The following MAST4 variants were observed in gnomAD, a reference collection of about 807,000 sequenced individuals.
The protein encoded by MAST4 is microtubule-associated serine/threonine-protein kinase 4.
A neutral mutation model predicts 162.7 loss-of-function variants in MAST4; 89 were observed. The ratio of observed to expected loss-of-function variants is 0.55; its 90% CI spans 0.46 to 0.65. The LOEUF (loss-of-function observed/expected upper bound fraction) is 0.65. Ranked by LOEUF, MAST4 falls within the 30% of genes least tolerant of loss-of-function variation. The pLI is 0.00. For synonymous variants in MAST4, 1,479 were observed against 1,361.1 expected (o/e 1.09, Z -1.91); for missense variants, 3,153 against 3,374.0 (o/e 0.93, Z 1.62).
intron 1 of MAST4, among the ~76,000 whole-genome samples, chr5:66,695,794 C>T (rs1351245204): frequency 6.6e-6 from 1 of 152,116 alleles, no homozygotes; most frequent in African/African-American, 2.4e-5. Flanking sequence ...GACAGTGTGG[C>T]AATTCTTCGA....
chr5:67,076,851 T>TCGCCAC (rs1761713937), intron 5 of MAST4, among the ~76,000 whole-genome samples: 1 of 152,214 alleles, frequency 6.6e-6, no homozygotes, highest in African/African-American at 2.4e-5. Flanking sequence ...GCAGCATCCA[T>TCGCCAC]CGCCACCGCC....
At position 66,921,893 on chromosome 5, in the gene MAST4, G is replaced by C. The variant is rs1764565104; in HGVS notation, c.674+21911G>C. 2.6e-5 allele frequency among the ~76,000 whole-genome samples: 4 copies of C among 152,298 alleles called. No individual in the cohort carries two copies. In the South Asian group the frequency reaches 6.2e-4, roughly 24 times the overall value. On this transcript the variant is annotated intron_variant, in intron 4 of 28. Transcript: ENST00000403625. ...TCTAATTAAATAATATTATCTTCTT[G>C]TGAAAATGCTGCCTTTATTCAATAT...
At chr5:67,023,936 T>G (rs1043699584) in intron 4 of MAST4, among the ~76,000 whole-genome samples, 1 of 152,008 alleles carries the variant, frequency 6.6e-6, no homozygotes, top group African/African-American at 2.4e-5. Context: ...CACATACAAT[T>G]TACCATCTTG....
At chr5:66,848,782 T>G (rs1759080993) in intron 3 of MAST4, among the ~76,000 whole-genome samples, 1 of 152,194 alleles carries the variant, frequency 6.6e-6, no homozygotes, top group African/African-American at 2.4e-5. Context: ...TTATGAAAGT[T>G]GTACTCATGA....
chr5:66,999,148 T>C (rs191477903), intron 4 of MAST4, among the ~76,000 whole-genome samples: 127 of 152,336 alleles, frequency 8.3e-4, no homozygotes, highest in African/African-American at 2.9e-3. Context: ...GTAGTCTCCT[T>C]CTTTTGCATG....
intron 12 of MAST4, among the ~76,000 whole-genome samples, chr5:67,116,614 G>C (rs10054921): frequency 1.3e-5 from 2 of 150,720 alleles, no homozygotes; most frequent in Non-Finnish European, 3.0e-5. Flanking sequence ...TCAGGAGTTC[G>C]AGAGCAGCCT....
chr5:66,759,945 A>G, intron 2 of MAST4, 83 bp downstream of exon 2: 1 of 1,461,536 alleles, frequency 6.8e-7, no homozygotes. Context: ...ACATGTAATC[A>G]GCTTTCTTAA....
chr5:67,124,436 G>C (rs541352947), intron 14 of MAST4, among the ~76,000 whole-genome samples: 2 of 152,138 alleles, frequency 1.3e-5, no homozygotes, highest in East Asian at 1.9e-4. Context: ...CTCTCTCTCT[G>C]TGCTAACTTT....
intron 5 of MAST4, among the ~76,000 whole-genome samples, chr5:67,073,554 T>G (rs967206662): frequency 1.3e-5 from 2 of 152,164 alleles, no homozygotes; most frequent in African/African-American, 2.4e-5. Flanking sequence ...CTTGATGTAA[T>G]GACCCCAAGG....
intron 1 of MAST4, among the ~76,000 whole-genome samples, chr5:66,661,223 G>A (rs993455041): frequency 2.0e-5 from 3 of 152,138 alleles, no homozygotes; most frequent in Non-Finnish European, 4.4e-5. Flanking sequence ...CAGTGACTCC[G>A]ATGTTCCTTT....
Position 67,164,119 on chromosome 5 carries a change from A to G in MAST4, c.4940A>G (p.Asp1647Gly). ...RRAPAPGTLQ[D>G]GLCHSLDRGI... ...GCCCCCGCTCCTGGCACCCTCCAGG[A>G]TGGTCTCTGCCACTCCCTCGACAGG... The change falls in exon 29 of 29, where the codon GAT becomes GGT. Residue 1647 changes from aspartate (D) to glycine (G), a missense_variant. Around this residue, in one of 7 missense-constraint regions of MAST4, gnomAD observed 1,644 missense variants for 1,495.0 expected, o/e 1.10. Transcript: ENST00000403625. This position sits in a 1 kb window ranked among gnomAD's most constrained non-coding sequence, Gnocchi z 5.3. The G allele has an allele frequency of 1.3e-6, 2 of 1,596,466 alleles. No individual in the cohort carries two copies. Among genetic ancestry groups the G allele is most frequent in the Non-Finnish European group, 1.7e-6 (2 of 1,170,886 alleles).
chr5:66,624,144 A>AT (rs1561220546), intron 1 of MAST4, among the ~76,000 whole-genome samples: 4 of 81,802 alleles, frequency 4.9e-5, no homozygotes, highest in Non-Finnish European at 4.7e-5. Context: ...TATTGTTAAA[A>AT]TGTTTTTTTT....
intron 1 of MAST4, among the ~76,000 whole-genome samples, chr5:66,723,169 C>A (rs887641532): frequency 6.6e-6 from 1 of 152,070 alleles, no homozygotes; most frequent in African/African-American, 2.4e-5. Flanking sequence ...AGAAGTAGCA[C>A]CAGGAACTTA....
intron 4 of MAST4, among the ~76,000 whole-genome samples, chr5:66,957,500 A>G (rs1459505938): frequency 1.3e-5 from 2 of 152,066 alleles, no homozygotes; most frequent in Non-Finnish European, 2.9e-5. Context: ...CTACTAAATT[A>G]CAATTACTTT....
Position 66,762,694 on chromosome 5 carries a change from T to G in MAST4, c.517+2832T>G, listed in dbSNP as rs539310146. On this transcript the variant is annotated intron_variant, in intron 2 of 28. Transcript: ENST00000403625. ...TTGCTAAACTTAAAATAAGTCTTAC[T>G]GGTTTTTCCATCAGAGGCCCATGCC... 9.2e-5 allele frequency among the ~76,000 whole-genome samples: 14 copies of G among 152,384 alleles called. No homozygotes were observed. In the East Asian group the frequency reaches 2.5e-3, roughly 27 times the overall value.
At chr5:66,894,204 G>C (rs117995013) in intron 3 of MAST4, among the ~76,000 whole-genome samples, 6 of 152,110 alleles carry the variant, frequency 3.9e-5, no homozygotes, top group Admixed American at 3.3e-4. Flanking sequence ...AGTCCTTAGG[G>C]GGACTTAAAA....
chr5:66,889,186 G>A (rs900752985), intron 3 of MAST4, among the ~76,000 whole-genome samples: 2 of 152,152 alleles, frequency 1.3e-5, no homozygotes, highest in African/African-American at 4.8e-5. Context: ...GCTGGTAATG[G>A]ATGGAAGAAC....
intron 1 of MAST4, among the ~76,000 whole-genome samples, chr5:66,741,058 C>A (rs1272466911): frequency 6.6e-6 from 1 of 152,102 alleles, no homozygotes. Flanking sequence ...CATTGCTCAC[C>A]CACCTTGCTT....
chr5:66,815,943 G>A (rs1756696045), intron 3 of MAST4, among the ~76,000 whole-genome samples: 1 of 152,120 alleles, frequency 6.6e-6, no homozygotes, highest in African/African-American at 2.4e-5. Flanking sequence ...ACCTCAAGGA[G>A]GAAAAGGAGG....
Sources: allele counts gnomAD v4.1 joint callset (sites outside exome capture counted in the v4.1 genomes callset), GRCh38; gene constraint gnomAD v4.1.1; regional missense constraint gnomAD v4.1.1; non-coding constraint Gnocchi (gnomAD v3.1); transcripts MANE v1.5; gene names NCBI Gene and HGNC (gene_info 2026-07-23, HGNC 2026-07-21).